Variants in PLS1 observed in about 807,000 individuals in gnomAD.
PLS1 encodes plastin-1.
In PLS1, 32 loss-of-function variants were observed where a neutral mutation model predicts 73.7. That is an observed-to-expected ratio of 0.43 (90% CI 0.33 to 0.58). The LOEUF (loss-of-function observed/expected upper bound fraction) is 0.58, where lower values mean the gene tolerates loss of function less well. Among genes scored for constraint, PLS1 ranks in the 20% least tolerant of loss-of-function variants. The pLI is 0.04. For missense variants in PLS1, 633 were observed against 740.5 expected, an observed-to-expected ratio of 0.85 and a Z score of 1.68; for synonymous variants, 217 against 261.3, an observed-to-expected ratio of 0.83 and a Z score of 1.63.
chr3:142,656,832 G>C lies in PLS1; in HGVS notation c.-36-7370G>C, dbSNP rs898783568. ...TAATTTGCAAAGAAGAAGAGGACATGGGGTACCAGTAGAACTTCTACTCAC... is the reference window on the plus strand; with the variant it reads ...TAATTTGCAAAGAAGAAGAGGACATCGGGTACCAGTAGAACTTCTACTCAC... On this transcript the variant is annotated intron_variant, in intron 1 of 15. Coordinates refer to ENST00000457734, the MANE Select transcript of PLS1 (RefSeq NM_001145319.2). The C allele has an allele frequency of 3.9e-5, 6 of 152,124 alleles. No homozygotes were observed. The East Asian group carries it at 1.2e-3, about 29-fold the overall frequency. 9.4% of individuals were successfully genotyped at this position (152,124 alleles called of 1,614,324 possible). A position where few individuals can be genotyped will look rare whatever the true frequency, so the allele number is the denominator to read the frequency against.
chr3:142,659,358 T>C (rs2037313310), intron 1 of PLS1, among the ~76,000 whole-genome samples: 1 of 152,208 alleles, frequency 6.6e-6, no homozygotes, highest in African/African-American at 2.4e-5. Flanking sequence ...TATTTCACTA[T>C]TTTAATCATA....
chr3:142,639,892 C>A (rs1172933379), intron 1 of PLS1, among the ~76,000 whole-genome samples: 1 of 152,128 alleles, frequency 6.6e-6, no homozygotes, highest in African/African-American at 2.4e-5. Flanking sequence ...AAACACTAAG[C>A]AGTCATAAAC....
intron 1 of PLS1, among the ~76,000 whole-genome samples, chr3:142,655,299 A>T (rs765592580): frequency 7.9e-5 from 12 of 152,202 alleles, no homozygotes; most frequent in Non-Finnish European, 1.8e-4. Context: ...AGACCGCATT[A>T]ATTTGGCAAT....
intron 1 of PLS1, among the ~76,000 whole-genome samples, chr3:142,631,712 T>C (rs1466054118): frequency 7.8e-6 from 1 of 128,554 alleles, no homozygotes; most frequent in Admixed American, 7.6e-5. Flanking sequence ...TTATACCATA[T>C]GCAAAAATTA....
At chr3:142,703,167 A>G (rs933666438) in intron 12 of PLS1, among the ~76,000 whole-genome samples, 3 of 152,018 alleles carry the variant, frequency 2.0e-5, no homozygotes, top group Non-Finnish European at 2.9e-5. Context: ...TTTCTTTTCT[A>G]TTTTTAAATT....
intron 1 of PLS1, chr3:142,645,444 T>G (rs2036934141): frequency 6.6e-6 from 1 of 152,216 alleles, no homozygotes; most frequent in Non-Finnish European, 1.5e-5. Context: ...AAACTCTGAC[T>G]TGGAAGCACG....
At chr3:142,704,905 G>A (rs569201723) in intron 14 of PLS1, among the ~76,000 whole-genome samples, 4 of 150,200 alleles carry the variant, frequency 2.7e-5, no homozygotes, top group Admixed American at 6.7e-5. Flanking sequence ...TGATCCGCCC[G>A]CCTCAGCCTC....
intron 1 of PLS1, among the ~76,000 whole-genome samples, chr3:142,600,729 A>C (rs1281417758): frequency 6.6e-6 from 1 of 151,238 alleles, no homozygotes; most frequent in Admixed American, 6.6e-5. Flanking sequence ...TGACTTGCAC[A>C]CTGTGGTTGA....
intron 11 of PLS1, among the ~76,000 whole-genome samples, chr3:142,695,084 ATCTT>A (rs2038165925): frequency 6.6e-6 from 1 of 152,048 alleles, no homozygotes; most frequent in Non-Finnish European, 1.5e-5. Context: ...CTAACGATGC[ATCTT>A]TCTAAGTGTG....
At chr3:142,655,537 A>G (rs1007517579) in intron 1 of PLS1, among the ~76,000 whole-genome samples, 10 of 151,992 alleles carry the variant, frequency 6.6e-5, no homozygotes, top group Admixed American at 6.6e-4. Flanking sequence ...CCTGGCCAAC[A>G]TAGTGAAACT....
chr3:142,678,096 A>G lies in PLS1; in HGVS notation c.562A>G (p.Thr188Ala), dbSNP rs768628520. 6.5e-7 allele frequency: 1 copy of G among 1,527,980 alleles called. No homozygotes were observed. The highest frequency in any genetic ancestry group is 1.2e-5 in the South Asian group (1 of 82,480). The allele number at this position is 1,527,980 out of a possible 1,614,324, so 94.7% of individuals were successfully genotyped here. The change falls in exon 6 of 16, where the codon ACG (threonine) becomes GCG (alanine). Residue 188 changes from threonine to alanine, a missense_variant. Thr to Ala is a moderately conservative substitution (Grantham distance 58, BLOSUM62 0). Transcript: ENST00000457734. ...AAGAGCCATCAATAAGAAAAAGCTC[A>G]CGCCATTCACTATTTCTGTAAGTAT... ...DERAINKKKL[T>A]PFTISENLNL...
chr3:142,687,611 A>C (rs747085572), intron 9 of PLS1, among the ~76,000 whole-genome samples: 1 of 152,180 alleles, frequency 6.6e-6, no homozygotes, highest in Admixed American at 6.5e-5. Context: ...TAGTATACTA[A>C]ACTATCAGGT....
In PLS1 at chr3:142,699,789, A is replaced by T. The variant is rs180951884; in HGVS notation, c.1371+1722A>T. ...CACTAATTTTAAAGAAAAAAATTTT[A>T]AAAGACTTTTAAAGGGAAATACATC... On this transcript the variant is annotated intron_variant, in intron 12 of 15. Coordinates refer to ENST00000457734, the MANE Select transcript of PLS1 (RefSeq NM_001145319.2). Among the ~76,000 whole-genome samples the T allele has an allele frequency of 5.0e-3, 761 of 152,354 alleles. 10 individuals are homozygous for T. The highest frequency in any genetic ancestry group is 0.016 in the African/African-American group (677 of 41,586).
chr3:142,686,828 G>A (rs1402788794), intron 9 of PLS1, among the ~76,000 whole-genome samples: 2 of 152,206 alleles, frequency 1.3e-5, no homozygotes, highest in African/African-American at 4.8e-5. Flanking sequence ...TTGTGACCTG[G>A]AGTATTTGTG....
At chr3:142,686,573 C>A (rs55841690) in intron 9 of PLS1, among the ~76,000 whole-genome samples, 197 bp downstream of exon 9, 6,428 of 152,248 alleles carry the variant, frequency 0.042, 195 homozygotes, top group Middle Eastern at 0.092. Flanking sequence ...AATAACTCCC[C>A]ATTTTCCCCT....
chr3:142,700,101 G>A (rs144923362), intron 12 of PLS1, among the ~76,000 whole-genome samples: 296 of 152,146 alleles, frequency 1.9e-3, no homozygotes, highest in African/African-American at 6.7e-3. Flanking sequence ...ATCATATGCA[G>A]AATACTTTTT....
At chr3:142,604,970 GAAA>G (rs1482449630) in intron 1 of PLS1, among the ~76,000 whole-genome samples, 1 of 151,966 alleles carries the variant, frequency 6.6e-6, no homozygotes, top group Non-Finnish European at 1.5e-5. Context: ...ATTATCAGTG[GAAA>G]AAGGAAATCT....
intron 1 of PLS1, among the ~76,000 whole-genome samples, chr3:142,609,778 T>C (rs2036085530): frequency 6.6e-6 from 1 of 152,266 alleles, no homozygotes; most frequent in Non-Finnish European, 1.5e-5. Flanking sequence ...TTTGTGGATA[T>C]GGTTATACCT....
chr3:142,696,757 A>AATG (rs1405128511), intron 11 of PLS1, among the ~76,000 whole-genome samples: 2 of 128,234 alleles, frequency 1.6e-5, no homozygotes, highest in Non-Finnish European at 3.0e-5. Flanking sequence ...TAATAATAAT[A>AATG]ATACCATACT....
Sources: allele counts gnomAD v4.1 joint callset (sites outside exome capture counted in the v4.1 genomes callset), GRCh38; gene constraint gnomAD v4.1.1; transcripts MANE v1.5; gene names NCBI Gene and HGNC (gene_info 2026-07-23, HGNC 2026-07-21).